The following TMPRSS15 variants were observed in gnomAD, a reference collection of about 807,000 sequenced individuals.
TMPRSS15 encodes the protein transmembrane serine protease 15, also known as enteropeptidase.
In TMPRSS15, 128 loss-of-function variants were observed where a neutral mutation model predicts 125.3. That is an observed-to-expected ratio of 1.02 (90% CI 0.89 to 1.18). The LOEUF is 1.18. Among genes scored for constraint, TMPRSS15 ranks in the 50% most tolerant of loss-of-function variants. The pLI is 0.00. For synonymous variants in TMPRSS15, 446 were observed against 423.2 expected, an observed-to-expected ratio of 1.05 and a Z score of -0.66; for missense variants, 1,283 against 1,212.7, an observed-to-expected ratio of 1.06 and a Z score of -0.86.
At chr21:18,360,144 T>G (rs1013492269) in intron 7 of TMPRSS15, among the ~76,000 whole-genome samples, 1 of 152,110 alleles carries the variant, frequency 6.6e-6, no homozygotes, top group African/African-American at 2.4e-5. Flanking sequence ...TCCTTTCATT[T>G]CCATGAGTTT....
At chr21:18,366,477 C>A (rs1246329137) in intron 6 of TMPRSS15, among the ~76,000 whole-genome samples, 1 of 152,074 alleles carries the variant, frequency 6.6e-6, no homozygotes, top group African/African-American at 2.4e-5. Context: ...TAATGTCATG[C>A]ATTATTAGTT....
chr21:18,367,429 C>G (rs2075748915), intron 6 of TMPRSS15, among the ~76,000 whole-genome samples: 1 of 152,200 alleles, frequency 6.6e-6, no homozygotes, highest in African/African-American at 2.4e-5. Context: ...CTTCAACGCT[C>G]TTTTCCACTG....
At chr21:18,330,065 T>C (rs909252578) in intron 14 of TMPRSS15, among the ~76,000 whole-genome samples, 2 of 152,214 alleles carry the variant, frequency 1.3e-5, no homozygotes, top group Non-Finnish European at 2.9e-5. Flanking sequence ...AACTCATTTA[T>C]CTTATTCTTC....
chr21:18,449,441 CT>C (rs1296253585), intron 1 of TMPRSS15, among the ~76,000 whole-genome samples: 1 of 152,162 alleles, frequency 6.6e-6, no homozygotes, highest in Non-Finnish European at 1.5e-5. Context: ...CAGAAAGTGC[CT>C]TCCTATTCTC....
chr21:18,473,348 T>C (rs1978816638), intron 1 of TMPRSS15, among the ~76,000 whole-genome samples: 1 of 152,106 alleles, frequency 6.6e-6, no homozygotes, highest in Non-Finnish European at 1.5e-5. Flanking sequence ...TTTCCTTACA[T>C]TTATTAATGA....
intron 12 of TMPRSS15, 104 bp downstream of exon 12, chr21:18,343,402 G>T: frequency 9.0e-7 from 1 of 1,111,732 alleles, no homozygotes; most frequent in South Asian, 1.5e-5. Context: ...AAAGTGACTT[G>T]ATTATCTTCA....
At chr21:18,312,900 A>G (rs2075116120) in intron 18 of TMPRSS15, 45 bp downstream of exon 18, 3 of 1,608,726 alleles carry the variant, frequency 1.9e-6, no homozygotes, top group Middle Eastern at 1.6e-4. Context: ...TAGTAATAAA[A>G]AGGTTTGCAA....
intron 18 of TMPRSS15, among the ~76,000 whole-genome samples, chr21:18,300,224 TTTTC>T (rs1202353092): frequency 1.0e-4 from 14 of 137,254 alleles, no homozygotes; most frequent in South Asian, 2.3e-4. Context: ...CTTTCTCTCT[TTTTC>T]TTTCTTTCTT....
rs1339214041 is a variant in TMPRSS15, at chr21:18,281,090, T to G, written c.2618A>C (p.Lys873Thr). Residue 873 changes from lysine to threonine, a missense_variant, in exon 22 of 25, where the codon AAG becomes ACG. Lys to Thr is a moderately conservative substitution (Grantham distance 78). Transcript: ENST00000284885. Reference protein sequence around the residue: ...VINPHYNRRRKDNDIAMMHLE... With the variant: ...VINPHYNRRRTDNDIAMMHLE... ...ATGCATCATGGCAATGTCGTTGTCC[T>G]TTCTTCGCCTATTGTAATGAGGGTT... The G allele has an allele frequency of 6.2e-7, 1 of 1,614,138 alleles. No homozygotes were observed. The highest frequency in any genetic ancestry group is 8.5e-7 in the Non-Finnish European group (1 of 1,180,012).
intron 18 of TMPRSS15, among the ~76,000 whole-genome samples, chr21:18,305,639 C>G (rs1054786460): frequency 6.6e-5 from 10 of 152,254 alleles, no homozygotes; most frequent in Non-Finnish European, 1.5e-4. Flanking sequence ...CCAGGCTGTA[C>G]CTTCAAGAGC....
chr21:18,313,349 C>CTCTCTA (rs1555895998), intron 17 of TMPRSS15, among the ~76,000 whole-genome samples: 14 of 149,440 alleles, frequency 9.4e-5, no homozygotes, highest in East Asian at 3.9e-4. Flanking sequence ...CTCTCTCTCT[C>CTCTCTA]TATATATATA....
Position 18,319,515 on chromosome 21 carries a change from G to A in TMPRSS15, c.1922-4259C>T, listed in dbSNP as rs183649152. 8.7e-3 allele frequency among the ~76,000 whole-genome samples: 1,201 copies of A among 138,454 alleles called. 10 individuals are homozygous for A. Among genetic ancestry groups the A allele is most frequent in the South Asian group, 0.012 (50 of 4,164 alleles). 90.8% of individuals were successfully genotyped at this position (138,454 alleles called of 152,430 possible). On this transcript the variant is annotated intron_variant, in intron 16 of 24. Coordinates refer to ENST00000284885, the MANE Select transcript of TMPRSS15 (RefSeq NM_002772.3). ...GCCATCTCGGCTCACTGAAACCTCC[G>A]CCTCCCGGGTTCAAGTGATTCTCCT...
chr21:18,363,285 A>G (rs2075694675), intron 7 of TMPRSS15, among the ~76,000 whole-genome samples: 1 of 152,136 alleles, frequency 6.6e-6, no homozygotes, highest in Non-Finnish European at 1.5e-5. Flanking sequence ...TAATCCATTT[A>G]TCAATCATAG....
intron 21 of TMPRSS15, among the ~76,000 whole-genome samples, chr21:18,292,090 C>T (rs548620037): frequency 1.9e-4 from 29 of 152,286 alleles, no homozygotes; most frequent in Non-Finnish European, 4.1e-4. Flanking sequence ...TGTATCAACA[C>T]CCATAACAAT....
rs74264949 is a variant in TMPRSS15 at position 18,434,877 on chromosome 21, TTTGA to T, written c.11-36552_11-36549del. Among the ~76,000 whole-genome samples, 927 of 152,278 alleles carry T rather than the reference TTTGA, an allele frequency of 6.1e-3. 5 individuals are homozygous for T. The highest frequency in any genetic ancestry group is 9.1e-3 in the Non-Finnish European group (620 of 67,996). ...GTTATCTAGCCTTATATAATTATAA[TTTGA>T]TTGGACAAATTGAGTCTTTCATCTG... is the stretch of plus-strand genomic sequence containing the variant. On this transcript the variant is annotated intron_variant, in intron 1 of 7. Transcript: ENST00000422787.
chr21:18,312,991 A>G lies in TMPRSS15; in HGVS notation c.2119T>C (p.Trp707Arg). 2 of 1,614,058 alleles carry G rather than the reference A, an allele frequency of 1.2e-6. No homozygotes were observed. Among genetic ancestry groups the G allele is most frequent in the African/African-American group, 1.3e-5 (1 of 75,060 alleles). Reference sequence around the variant, plus strand: ...ACATCATTTGAAATCTGGGTGGTCCAGTTCTCAGCACAAGCTGTATGCCAT... The same window carrying G: ...ACATCATTTGAAATCTGGGTGGTCCGGTTCTCAGCACAAGCTGTATGCCAT... ...SIWHTACAENWTTQISNDVCQ... is the reference protein window; with the variant it reads ...SIWHTACAENRTTQISNDVCQ... Residue 707 changes from tryptophan (W) to arginine (R), a missense_variant, in exon 18 of 25, where the codon TGG (tryptophan) becomes CGG (arginine). By Grantham distance (101) the Trp-to-Arg change is moderately radical. Transcript: ENST00000284885.
chr21:18,392,747 T>G (rs1288042014), intron 3 of TMPRSS15, among the ~76,000 whole-genome samples: 2 of 152,186 alleles, frequency 1.3e-5, no homozygotes, highest in Admixed American at 6.5e-5. Flanking sequence ...CTCACAGTTC[T>G]GCATGACTGG....
chr21:18,348,029 T>A (rs1204280555), intron 10 of TMPRSS15, among the ~76,000 whole-genome samples: 5 of 152,032 alleles, frequency 3.3e-5, no homozygotes, highest in Admixed American at 1.3e-4. Flanking sequence ...ATAAAAAATT[T>A]AAAAAAATTG....
intron 1 of TMPRSS15, among the ~76,000 whole-genome samples, chr21:18,471,003 C>T (rs1045618764): frequency 2.2e-4 from 34 of 151,664 alleles, no homozygotes; most frequent in African/African-American, 8.2e-4. Flanking sequence ...TTCAATACTT[C>T]TTACATCTCT....
Sources: gnomAD v4.1 joint callset for allele counts (sites outside exome capture counted in the v4.1 genomes callset) on GRCh38, gnomAD v4.1.1 for gene constraint, MANE v1.5 for transcripts, NCBI Gene and HGNC (gene_info 2026-07-23, HGNC 2026-07-21) for gene names.